ARHGAP22: variants seen among roughly 807,000 people sequenced by gnomAD.
The protein encoded by ARHGAP22 is rho GTPase-activating protein 22.
Under a neutral mutation model 59.1 loss-of-function variants are expected in ARHGAP22, and 48 were observed. The ratio of observed to expected loss-of-function variants is 0.81; its 90% CI spans 0.64 to 1.03. ARHGAP22 has a LOEUF of 1.03. Ranked by LOEUF, ARHGAP22 falls within the 50% of genes least tolerant of loss-of-function variation. The pLI is 0.00. For synonymous variants in ARHGAP22, 445 were observed against 416.4 expected (o/e 1.07, Z -0.84); for missense variants, 1,015 against 958.7 (o/e 1.06, Z -0.78).
At chr10:48,570,495 G>A (rs945945645) in intron 2 of ARHGAP22, among the ~76,000 whole-genome samples, 2 of 152,196 alleles carry the variant, frequency 1.3e-5, no homozygotes, top group African/African-American at 2.4e-5. Context: ...CTTATCCTGG[G>A]GCAGAGAGGG....
chr10:48,464,555 C>T (rs11101334), intron 4 of ARHGAP22, among the ~76,000 whole-genome samples: 26,256 of 152,106 alleles, frequency 0.17, 2,925 homozygotes, highest in East Asian at 0.61. Context: ...GGAGCATGGG[C>T]GTCAGAGGGC....
intron 4 of ARHGAP22, among the ~76,000 whole-genome samples, chr10:48,465,368 G>A (rs1035758922): frequency 1.1e-4 from 17 of 152,264 alleles, no homozygotes; most frequent in African/African-American, 3.9e-4. Flanking sequence ...CCACACCGGA[G>A]AGGAAGCCCA....
chr10:48,506,040 G>A (rs1044930682), intron 3 of ARHGAP22, among the ~76,000 whole-genome samples: 5 of 152,092 alleles, frequency 3.3e-5, no homozygotes, highest in South Asian at 2.1e-4. Flanking sequence ...TCTCACCGAC[G>A]CTCCTTCCCT....
rs201306187 is a variant in ARHGAP22 at position 48,450,831 on chromosome 10, C to T, written c.1298G>A (p.Arg433Gln). 1.4e-5 allele frequency: 22 copies of T among 1,587,936 alleles called. No individual in the cohort carries two copies. The highest frequency in any genetic ancestry group is 2.3e-5 in the East Asian group (1 of 44,300). ...QTLPSWKSSF[R>Q]QPRSLSGSPK... Reference sequence around the variant, plus strand: ...GCTTCCCGATAGGGACCTCGGCTGCCGGAAGGAGGACTTCCAACTGGGCAG... The same window carrying T: ...GCTTCCCGATAGGGACCTCGGCTGCTGGAAGGAGGACTTCCAACTGGGCAG... Residue 433 changes from arginine (R) to glutamine (Q), a missense_variant, in exon 9 of 10, where the codon CGG becomes CAG. Transcript: ENST00000249601.
At chr10:48,650,851 C>T (rs1221173191) in intron 1 of ARHGAP22, among the ~76,000 whole-genome samples, 3 of 152,210 alleles carry the variant, frequency 2.0e-5, no homozygotes, top group African/African-American at 7.2e-5. Context: ...TGCTCCCCCA[C>T]CCCCTATTTT....
chr10:48,532,643 C>A (rs1360817450), intron 3 of ARHGAP22: 6 of 151,232 alleles, frequency 4.0e-5, no homozygotes, highest in Non-Finnish European at 7.4e-5. Context: ...CCCAACCCCC[C>A]ACCCCATGAC....
intron 2 of ARHGAP22, among the ~76,000 whole-genome samples, chr10:48,557,299 T>G (rs981662854): frequency 2.6e-5 from 4 of 152,108 alleles, no homozygotes; most frequent in African/African-American, 9.7e-5. Flanking sequence ...TCTAGGTACT[T>G]TGCTGTTTTT....
chr10:48,620,649 G>T (rs1434689849), intron 1 of ARHGAP22, among the ~76,000 whole-genome samples: 1 of 152,180 alleles, frequency 6.6e-6, no homozygotes, highest in Non-Finnish European at 1.5e-5. Context: ...CCATGCTGGG[G>T]TATAAGCTGA....
intron 1 of ARHGAP22, among the ~76,000 whole-genome samples, chr10:48,618,581 T>A (rs1165587288): frequency 6.6e-6 from 1 of 152,040 alleles, no homozygotes; most frequent in African/African-American, 2.4e-5. Context: ...ATCAACATAA[T>A]GAGGCACAAA....
chr10:48,577,326 C>T (rs2058781194), intron 2 of ARHGAP22, among the ~76,000 whole-genome samples: 2 of 152,208 alleles, frequency 1.3e-5, no homozygotes, highest in South Asian at 4.2e-4. Flanking sequence ...TGTTTTCTTC[C>T]TCTTTTTGTC....
chr10:48,575,097 C>CCCTGCTCTCTCTTTTGCT (rs2058625814), intron 2 of ARHGAP22: 1 of 152,168 alleles, frequency 6.6e-6, no homozygotes, highest in Non-Finnish European at 1.5e-5. Context: ...TGTGGCACCT[C>CCCTGCTCTCTCTTTTGCT]CCTGCTCTCT....
At chr10:48,491,937 A>C (rs1177771930) in intron 3 of ARHGAP22, among the ~76,000 whole-genome samples, 1 of 152,186 alleles carries the variant, frequency 6.6e-6, no homozygotes, top group Non-Finnish European at 1.5e-5. Flanking sequence ...TGGCTTGTTC[A>C]AGGGCACCAG....
chr10:48,653,014 T>C (rs35591998), upstream of ARHGAP22, among the ~76,000 whole-genome samples: 13,873 of 152,310 alleles, frequency 0.091, 730 homozygotes, highest in African/African-American at 0.14. Context: ...GCGATATTTA[T>C]GCAGCCATCA....
intron 3 of ARHGAP22, among the ~76,000 whole-genome samples, chr10:48,552,416 C>G (rs1482055379): frequency 6.6e-6 from 1 of 152,294 alleles, no homozygotes; most frequent in Non-Finnish European, 1.5e-5. Context: ...AGCCTGCCAC[C>G]TGGCACCCTC....
chr10:48,447,111 T>G (rs10857568), intron 9 of ARHGAP22, among the ~76,000 whole-genome samples: 147,414 of 152,194 alleles, frequency 0.97, 71,594 homozygotes, highest in East Asian at 1. Context: ...CTTCCTGCTC[T>G]CCCGTCATGT....
chr10:48,524,963 T>G (rs2054196338), intron 3 of ARHGAP22, among the ~76,000 whole-genome samples: 1 of 152,164 alleles, frequency 6.6e-6, no homozygotes, highest in Non-Finnish European at 1.5e-5. Context: ...TTAAATGAGT[T>G]GATATATACA....
chr10:48,578,248 T>C (rs1478630018), intron 2 of ARHGAP22, among the ~76,000 whole-genome samples: 1 of 152,190 alleles, frequency 6.6e-6, no homozygotes, highest in Non-Finnish European at 1.5e-5. Context: ...ACAGCTTCCA[T>C]GCTCTCCTTT....
Position 48,474,677 on chromosome 10 carries a change from G to A in ARHGAP22, c.451+4959C>T, listed in dbSNP as rs368211155. ...TGGAGTGTTTTAATCATTAAAGGGT[G>A]CTGGATTTTATAAAATGCTTTTTCT... On this transcript the variant is annotated intron_variant, in intron 4 of 9. Coordinates refer to ENST00000249601, the MANE Select transcript of ARHGAP22 (RefSeq NM_021226.4). Among the ~76,000 whole-genome samples, 38 of 121,210 alleles carry A rather than the reference G, an allele frequency of 3.1e-4. No homozygotes were observed. The East Asian group carries it at 0.011, about 34-fold the overall frequency. 79.5% of individuals were successfully genotyped at this position (121,210 alleles called of 152,430 possible).
chr10:48,565,146 G>T lies in ARHGAP22; in HGVS notation c.235-9596C>A, dbSNP rs145211177. 1.6e-4 allele frequency among the ~76,000 whole-genome samples: 21 copies of T among 131,894 alleles called. No homozygotes were observed. In the East Asian group the frequency reaches 5.6e-3, roughly 35 times the overall value. The allele number at this position is 131,894 out of a possible 152,430, so 86.5% of individuals were successfully genotyped here. A position where few individuals can be genotyped will look rare whatever the true frequency, so the allele number is the denominator to read the frequency against. ...GGAAACCTCACAGGTTTTAGCCCCA[G>T]ACAGATCTGGTTTTAATCCTGACTA... On this transcript the variant is annotated intron_variant, in intron 2 of 9. Transcript: ENST00000249601.
Sources: allele counts gnomAD v4.1 joint callset (sites outside exome capture counted in the v4.1 genomes callset), GRCh38; gene constraint gnomAD v4.1.1; transcripts MANE v1.5; gene names NCBI Gene and HGNC (gene_info 2026-07-23, HGNC 2026-07-21).